AGPAT4: variants seen among roughly 807,000 people sequenced by gnomAD.
AGPAT4 encodes 1-acyl-sn-glycerol-3-phosphate acyltransferase delta.
A neutral mutation model predicts 48.0 loss-of-function variants in AGPAT4; 15 were observed. The observed-to-expected ratio is 0.31, with a 90% confidence interval of 0.21 to 0.48. AGPAT4 has a LOEUF of 0.48. Ranked by LOEUF, AGPAT4 falls within the 20% of genes least tolerant of loss-of-function variation. The pLI, the probability that AGPAT4 is intolerant of heterozygous loss-of-function variation, is 0.99. For synonymous variants in AGPAT4, 178 were observed against 198.7 expected (o/e 0.90, Z 0.88); for missense variants, 314 against 482.5 (o/e 0.65, Z 3.27).
rs1779166704 is a variant in AGPAT4 at position 161,139,055 on chromosome 6, C to T, written c.1042+367G>A. ...CTGCCCATCCGTCCCCGCCAGGCTC[C>T]AGCACAGGGCTTTCTTCAGAAGCAG... On this transcript the variant is annotated intron_variant, in intron 8 of 8. Coordinates refer to ENST00000320285, the MANE Select transcript of AGPAT4 (RefSeq NM_020133.3). This position sits in a 1 kb window ranked among gnomAD's most constrained non-coding sequence, Gnocchi z 9.1. Among the ~76,000 whole-genome samples the T allele has an allele frequency of 6.6e-6, 1 of 152,224 alleles. No homozygotes were observed. Among genetic ancestry groups the T allele is most frequent in the Admixed American group, 6.5e-5 (1 of 15,290 alleles).
Position 161,232,010 on chromosome 6 carries a change from A to C in AGPAT4, c.178+26T>G. 3 of 1,609,890 alleles carry C rather than the reference A, an allele frequency of 1.9e-6. No homozygotes were observed. The highest frequency in any genetic ancestry group is 2.5e-6 in the Non-Finnish European group (3 of 1,176,740). ...GATACACACATCCACAATGGAGACG[A>C]AAATATAGAATCTTAAGTATCTTAC... On this transcript the variant is annotated intron_variant, in intron 2 of 8. Transcript: ENST00000320285. This position sits in a 1 kb window ranked among gnomAD's most constrained non-coding sequence, Gnocchi z 6.8.
In AGPAT4 at chr6:161,187,578, C is replaced by T. The variant is rs897082104; in HGVS notation, c.179-21161G>A. Among the ~76,000 whole-genome samples, 4 of 152,004 alleles carry T rather than the reference C, an allele frequency of 2.6e-5. No individual in the cohort carries two copies. The East Asian group carries it at 5.8e-4, about 22-fold the overall frequency. Reference sequence around the variant, plus strand: ...AGAGACAGGGAGGGTCTCACTGTCTCGCTCAGGCTGGATGGAGTGCAGTGG... The same window carrying T: ...AGAGACAGGGAGGGTCTCACTGTCTTGCTCAGGCTGGATGGAGTGCAGTGG... On this transcript the variant is annotated intron_variant, in intron 2 of 8. Coordinates refer to ENST00000320285, the MANE Select transcript of AGPAT4 (RefSeq NM_020133.3).
At position 161,159,551 on chromosome 6, in the gene AGPAT4, T is replaced by G. The variant is rs966422450; in HGVS notation, c.349-5241A>C. On this transcript the variant is annotated intron_variant, in intron 3 of 8. Coordinates refer to ENST00000320285, the MANE Select transcript of AGPAT4 (RefSeq NM_020133.3). This position sits in a 1 kb window ranked among gnomAD's most constrained non-coding sequence, Gnocchi z 4.1. Reference sequence around the variant, plus strand: ...AATCTCTGAAATCTGTCCCTAGTTATAGCAAAATGCAGAAAAGACTGGAGC... The same window carrying G: ...AATCTCTGAAATCTGTCCCTAGTTAGAGCAAAATGCAGAAAAGACTGGAGC... 3.9e-5 allele frequency among the ~76,000 whole-genome samples: 6 copies of G among 152,206 alleles called. No homozygotes were observed. The highest frequency in any genetic ancestry group is 1.4e-4 in the African/African-American group (6 of 41,454).
chr6:161,239,209 T>C (rs1782408569), intron 1 of AGPAT4, among the ~76,000 whole-genome samples: 1 of 152,186 alleles, frequency 6.6e-6, no homozygotes. Context: ...GATGGTACCA[T>C]ATGCTGCCCA....
rs1261622517 is a variant in AGPAT4 at position 161,161,301 on chromosome 6, G to A, written c.348+4947C>T. 1 of 456,574 alleles carries A rather than the reference G, an allele frequency of 2.2e-6. No homozygotes were observed. The highest frequency in any genetic ancestry group is 4.4e-6 in the Non-Finnish European group (1 of 226,966). The allele number at this position is 456,574 out of a possible 1,614,324, so 28.3% of individuals were successfully genotyped here. A position where few individuals can be genotyped will look rare whatever the true frequency, so the allele number is the denominator to read the frequency against. ...GGATGGTAGTCGGTATGAACCCGCG[G>A]TGCAGCCATAGTCCCGTGAGCTGCC... On this transcript the variant is annotated intron_variant, in intron 3 of 8. Coordinates refer to ENST00000320285, the MANE Select transcript of AGPAT4 (RefSeq NM_020133.3). The surrounding 1 kb of genome is among the most constrained non-coding windows in gnomAD (Gnocchi z 4.6).
In AGPAT4 at chr6:161,204,633, C is replaced by T. The variant is rs1482833654; in HGVS notation, c.178+27403G>A. 6.6e-6 allele frequency among the ~76,000 whole-genome samples: 1 copy of T among 151,934 alleles called. No individual in the cohort carries two copies. The highest frequency in any genetic ancestry group is 1.5e-5 in the Non-Finnish European group (1 of 67,996). Reference sequence around the variant, plus strand: ...TGTTAATTAAATCTCAAAAGGCAAACAAAATGTCAATCAAAATTGATGTAT... The same window carrying T: ...TGTTAATTAAATCTCAAAAGGCAAATAAAATGTCAATCAAAATTGATGTAT... On this transcript the variant is annotated intron_variant, in intron 2 of 8. Coordinates refer to ENST00000320285, the MANE Select transcript of AGPAT4 (RefSeq NM_020133.3). The surrounding 1 kb of genome is among the most constrained non-coding windows in gnomAD (Gnocchi z 4.4).
chr6:161,186,456 G>A (rs554409137), intron 2 of AGPAT4, among the ~76,000 whole-genome samples: 2 of 152,128 alleles, frequency 1.3e-5, no homozygotes, highest in South Asian at 2.1e-4. Context: ...GCAGTCCACC[G>A]GCTCGCTGCC....
rs12207275 is a variant in AGPAT4 at position 161,233,797 on chromosome 6, A to G, written c.-89-1495T>C. Among the ~76,000 whole-genome samples the G allele has an allele frequency of 1.3e-5, 2 of 152,096 alleles. No homozygotes were observed. The highest frequency in any genetic ancestry group is 4.8e-5 in the African/African-American group (2 of 41,378). Reference sequence around the variant, plus strand: ...TGACCTACAGTATTTTCAATTCGCAATGGGTTTATCGGGATGTAATCCCAT... The same window carrying G: ...TGACCTACAGTATTTTCAATTCGCAGTGGGTTTATCGGGATGTAATCCCAT... On this transcript the variant is annotated intron_variant, in intron 1 of 8. Coordinates refer to ENST00000320285, the MANE Select transcript of AGPAT4 (RefSeq NM_020133.3). This position sits in a 1 kb window ranked among gnomAD's most constrained non-coding sequence, Gnocchi z 5.4.
rs1781889036 is a variant in AGPAT4 at position 161,223,624 on chromosome 6, A to T, written c.178+8412T>A. ...TGCAGCTGAAAATAGCTGTCCATTAATGAGTATGCTTCTCTTTTTATTCCA... is the reference window on the plus strand; with the variant it reads ...TGCAGCTGAAAATAGCTGTCCATTATTGAGTATGCTTCTCTTTTTATTCCA... On this transcript the variant is annotated intron_variant, in intron 2 of 8. Transcript: ENST00000320285. The surrounding 1 kb of genome is among the most constrained non-coding windows in gnomAD (Gnocchi z 6.3). Among the ~76,000 whole-genome samples the T allele has an allele frequency of 6.6e-6, 1 of 152,236 alleles. No individual in the cohort carries two copies. The highest frequency in any genetic ancestry group is 1.5e-5 in the Non-Finnish European group (1 of 68,044).
chr6:161,239,724 T>A lies in AGPAT4; in HGVS notation c.-89-7422A>T, dbSNP rs532130350. Among the ~76,000 whole-genome samples, 8 of 152,346 alleles carry A rather than the reference T, an allele frequency of 5.3e-5. No individual in the cohort carries two copies. The South Asian group carries it at 1.7e-3, about 32-fold the overall frequency. On this transcript the variant is annotated intron_variant, in intron 1 of 8. Transcript: ENST00000320285. The stretch of plus-strand genomic sequence containing the variant: ...ATGAATGCAAATTATTTTATACTAC[T>A]TTTTACATTCCAAACTAGGCTTTTT...
rs919546800 is a variant in AGPAT4 at position 161,165,735 on chromosome 6, CAG to C, written c.348+511_348+512del. ...CAAACTAGTTGGGAAAAAAAAAAAACAGAATTTCAGAATAATTCTGAATTTTG... is the reference window on the plus strand; with the variant it reads ...CAAACTAGTTGGGAAAAAAAAAAAACAATTTCAGAATAATTCTGAATTTTG... On this transcript the variant is annotated intron_variant, in intron 3 of 8. Coordinates refer to ENST00000320285, the MANE Select transcript of AGPAT4 (RefSeq NM_020133.3). This position sits in a 1 kb window ranked among gnomAD's most constrained non-coding sequence, Gnocchi z 5.5. 5.5e-6 allele frequency: 4 copies of C among 732,884 alleles called. No individual in the cohort carries two copies. Among genetic ancestry groups the C allele is most frequent in the African/African-American group, 1.8e-5 (1 of 54,522 alleles). 45.4% of individuals were successfully genotyped at this position (732,884 alleles called of 1,614,324 possible). A position where few individuals can be genotyped will look rare whatever the true frequency, so the allele number is the denominator to read the frequency against.
rs1781646210 is a variant in AGPAT4 at position 161,216,331 on chromosome 6, T to C, written c.178+15705A>G. Among the ~76,000 whole-genome samples the C allele has an allele frequency of 6.6e-6, 1 of 152,180 alleles. No individual in the cohort carries two copies. Among genetic ancestry groups the C allele is most frequent in the Non-Finnish European group, 1.5e-5 (1 of 68,034 alleles). ...GCAACAGCAGCCCCAGTCTCTTCTG[T>C]CCTCAAGCAAACGTCTGCAACAAGT... is the stretch of plus-strand genomic sequence containing the variant. On this transcript the variant is annotated intron_variant, in intron 2 of 8. Coordinates refer to ENST00000320285, the MANE Select transcript of AGPAT4 (RefSeq NM_020133.3). This position sits in a 1 kb window ranked among gnomAD's most constrained non-coding sequence, Gnocchi z 4.8.
At chr6:161,247,011 TTGCTCTCCATACC>T (rs1782668747) in intron 1 of AGPAT4, among the ~76,000 whole-genome samples, 1 of 152,222 alleles carries the variant, frequency 6.6e-6, no homozygotes, top group African/African-American at 2.4e-5. Context: ...ACCCACAAGA[TTGCTCTCCATACC>T]TTTACATGCT....
At chr6:161,194,172 T>G (rs1780999143) in intron 2 of AGPAT4, among the ~76,000 whole-genome samples, 1 of 152,230 alleles carries the variant, frequency 6.6e-6, no homozygotes, top group Non-Finnish European at 1.5e-5. Flanking sequence ...AATATCTCAT[T>G]AATTTTTACA....
intron 2 of AGPAT4, among the ~76,000 whole-genome samples, chr6:161,182,734 A>G (rs1001666199): frequency 3.9e-5 from 6 of 152,206 alleles, no homozygotes; most frequent in Middle Eastern, 3.2e-3. Context: ...GGCTGGTACA[A>G]TAAGGCCTGA....
At chr6:161,186,508 G>A (rs375631890) in intron 2 of AGPAT4, among the ~76,000 whole-genome samples, 25 of 151,994 alleles carry the variant, frequency 1.6e-4, no homozygotes, top group East Asian at 9.7e-4. Flanking sequence ...GTCCACCACC[G>A]CCTGTCCTCC....
chr6:161,252,647 A>T (rs185347358), intron 1 of AGPAT4, among the ~76,000 whole-genome samples: 1 of 152,046 alleles, frequency 6.6e-6, no homozygotes, highest in Admixed American at 6.5e-5. Context: ...ACATGGTGAC[A>T]AAAAATACAA....
At chr6:161,239,991 A>G (rs556609972) in intron 1 of AGPAT4, among the ~76,000 whole-genome samples, 145 of 152,320 alleles carry the variant, frequency 9.5e-4, no homozygotes, top group African/African-American at 3.3e-3. Flanking sequence ...AAAATTAGAA[A>G]CAATTTGTAT....
Position 161,208,489 on chromosome 6 carries a change from T to TC in AGPAT4, c.178+23546dup, listed in dbSNP as rs397753251. 6.6e-6 allele frequency among the ~76,000 whole-genome samples: 1 copy of TC among 151,696 alleles called. No individual in the cohort carries two copies. The highest frequency in any genetic ancestry group is 6.6e-5 in the Admixed American group (1 of 15,216). ...TCTGCAGGTTTAAGCATTTTTTTTT[T>TC]CCATAATGTTCACAAAGTTTAAGAC... is the stretch of plus-strand genomic sequence containing the variant. On this transcript the variant is annotated intron_variant, in intron 2 of 8. Transcript: ENST00000320285. The surrounding 1 kb of genome is among the most constrained non-coding windows in gnomAD (Gnocchi z 4.6).
Sources: gnomAD v4.1 joint callset for allele counts (sites outside exome capture counted in the v4.1 genomes callset) on GRCh38, gnomAD v4.1.1 for gene constraint, Gnocchi (gnomAD v3.1) non-coding constraint, MANE v1.5 for transcripts, NCBI Gene and HGNC (gene_info 2026-07-23, HGNC 2026-07-21) for gene names.